The following CEACAM5 variants were observed in gnomAD, a reference collection of about 807,000 sequenced individuals.
The protein encoded by CEACAM5 is CEA cell adhesion molecule 5.
In CEACAM5, 52 loss-of-function variants were observed where a neutral mutation model predicts 63.0. That is an observed-to-expected ratio of 0.83 (90% CI 0.66 to 1.04). The LOEUF is 1.04. CEACAM5 is among the 50% of genes least tolerant of loss of function. CEACAM5 has a pLI of 0.00. For synonymous variants in CEACAM5, 357 were observed against 351.3 expected (o/e 1.02, Z -0.18); for missense variants, 790 against 864.8 (o/e 0.91, Z 1.08).
intron 9 of CEACAM5, among the ~76,000 whole-genome samples, 182 bp from the exon 10 acceptor site, chr19:41,729,002 T>C (rs1555817592): frequency 6.6e-6 from 1 of 152,140 alleles, no homozygotes; most frequent in East Asian, 1.9e-4. Flanking sequence ...AAGTTATATT[T>C]ATGAGTATGT....
At chr19:41,718,434 G>A in intron 6 of CEACAM5, 52 bp downstream of exon 6, 1 of 1,587,280 alleles carries the variant, frequency 6.3e-7, no homozygotes, top group Admixed American at 1.7e-5. Context: ...GAATCTGTCT[G>A]GTTTTCAGAA....
intron 1 of CEACAM5, 112 bp from the exon 2 acceptor site, chr19:41,709,564 ACACT>A (rs1306527527): frequency 7.8e-4 from 1,055 of 1,347,864 alleles, no homozygotes; most frequent in Non-Finnish European, 1.0e-3. Context: ...ACACACACAC[ACACT>A]CACTCACTCC....
At chr19:41,717,415 G>A in intron 4 of CEACAM5, 40 bp from the exon 5 acceptor site, 1 of 1,584,270 alleles carries the variant, frequency 6.3e-7, no homozygotes. Flanking sequence ...AGGAATCACA[G>A]GTGCCACACA....
At chr19:41,710,114 G>A (rs934983505) in intron 2 of CEACAM5, 75 bp downstream of exon 2, 12 of 1,557,240 alleles carry the variant, frequency 7.7e-6, no homozygotes, top group Non-Finnish European at 4.3e-6. Context: ...TCAGGCCTGG[G>A]CTGTGCCTGT....
intron 6 of CEACAM5, among the ~76,000 whole-genome samples, chr19:41,719,278 T>G (rs2072579022): frequency 6.6e-6 from 1 of 152,246 alleles, no homozygotes; most frequent in African/African-American, 2.4e-5. Context: ...AACCTTTCTA[T>G]GTATGCAGTT....
chr19:41,718,482 C>T, intron 6 of CEACAM5, 100 bp downstream of exon 6: 1 of 1,254,118 alleles, frequency 8.0e-7, no homozygotes. Context: ...AGTATGCATC[C>T]AATGGGCACA....
chr19:41,709,741 G>T lies in CEACAM5; in HGVS notation c.126G>T (p.Pro42=). The change falls in exon 2 of 10, where the codon CCG becomes CCT. Residue 42 remains proline (P), a synonymous_variant. Coordinates refer to ENST00000221992, the MANE Select transcript of CEACAM5 (RefSeq NM_004363.6). ...CCAAGCTCACTATTGAATCCACGCC[G>T]TTCAATGTCGCAGAGGGGAAGGAGG... ...TTAKLTIEST[P]FNVAEGKEVL... 6.2e-7 allele frequency: 1 copy of T among 1,614,124 alleles called. No homozygotes were observed. Among genetic ancestry groups the T allele is most frequent in the Non-Finnish European group, 8.5e-7 (1 of 1,180,022 alleles).
chr19:41,726,668 A>G (rs1555817142), intron 8 of CEACAM5, among the ~76,000 whole-genome samples: 1 of 152,156 alleles, frequency 6.6e-6, no homozygotes, highest in Admixed American at 6.5e-5. Context: ...AAGAGGAGAG[A>G]GTTTTAGATA....
rs782301321 is a variant in CEACAM5, at chr19:41,714,987, C to T, written c.441C>T (p.Pro147=). ...TCTGCACAGCGGAGCTGCCCAAGCC[C>T]TCCATCTCCAGCAACAACTCCAAAC... ...QFRVYPELPK[P]SISSNNSKPV... is the part of the protein sequence containing the mutation. The change falls in exon 3 of 10, where the codon CCC becomes CCT. Residue 147 remains proline, a synonymous_variant. Coordinates refer to ENST00000221992, the MANE Select transcript of CEACAM5 (RefSeq NM_004363.6). 2.5e-5 allele frequency: 40 copies of T among 1,614,098 alleles called. No individual in the cohort carries two copies. Among genetic ancestry groups the T allele is most frequent in the East Asian group, 1.8e-4 (8 of 44,888 alleles).
chr19:41,718,069 C>G (rs782786932), intron 5 of CEACAM5, 59 bp from the exon 6 acceptor site: 7 of 1,592,526 alleles, frequency 4.4e-6, no homozygotes, highest in African/African-American at 1.3e-5. Flanking sequence ...TTTCACAGAC[C>G]AGGAGCTTCC....
chr19:41,730,419 C>CAA lies in CEACAM5; in HGVS notation c.*1285_*1286dup, dbSNP rs34510228. Among the ~76,000 whole-genome samples the CAA allele has an allele frequency of 1.5e-3, 195 of 131,226 alleles. 13 individuals carry two copies. The highest frequency in any genetic ancestry group is 1.5e-3 in the Admixed American group (20 of 13,060). 86.1% of individuals were successfully genotyped at this position (131,226 alleles called of 152,430 possible). ...CCTGGGAGACAAAGTGAGACTCCGT[C>CAA]AAAAAAAAAAAAAAGTCTATGTGGT... On this transcript the variant is annotated 3_prime_UTR_variant, in exon 10 of 10. Coordinates refer to ENST00000221992, the MANE Select transcript of CEACAM5 (RefSeq NM_004363.6).
Position 41,708,770 on chromosome 19 carries a change from C to T in CEACAM5, c.39C>T (p.Ile13=), listed in dbSNP as rs200391100. Residue 13 remains isoleucine (I), a synonymous_variant, in exon 1 of 10, where the codon ATC becomes ATT. Coordinates refer to ENST00000221992, the MANE Select transcript of CEACAM5 (RefSeq NM_004363.6). ...CGGCCCCTCCCCACAGATGGTGCATCCCCTGGCAGAGGCTCCTGCTCACAG... is the reference window on the plus strand; with the variant it reads ...CGGCCCCTCCCCACAGATGGTGCATTCCCTGGCAGAGGCTCCTGCTCACAG... ...SPSAPPHRWC[I]PWQRLLLTAS... The T allele has an allele frequency of 1.9e-6, 3 of 1,611,928 alleles. No homozygotes were observed. Among genetic ancestry groups the T allele is most frequent in the African/African-American group, 2.7e-5 (2 of 74,846 alleles).
At chr19:41,726,257 GTTT>G (rs1303683647) in intron 8 of CEACAM5, among the ~76,000 whole-genome samples, 18 of 152,168 alleles carry the variant, frequency 1.2e-4, no homozygotes, top group Admixed American at 2.0e-4. Context: ...CTTTGGATAA[GTTT>G]TTTCACCACT....
In CEACAM5 at chr19:41,715,189, T is replaced by A; in HGVS notation, c.643T>A (p.Cys215Ser). 1 of 1,614,180 alleles carries A rather than the reference T, an allele frequency of 6.2e-7. No homozygotes were observed. The change falls in exon 3 of 10, where the codon TGT (cysteine) becomes AGT (serine). Residue 215 changes from cysteine (C) to serine (S), a missense_variant. Physicochemically the swap from Cys to Ser is moderately radical, Grantham distance 112. Coordinates refer to ENST00000221992, the MANE Select transcript of CEACAM5 (RefSeq NM_004363.6). ...VTRNDTASYKCETQNPVSARR... is the reference protein window; with the variant it reads ...VTRNDTASYKSETQNPVSARR... ...AAGAAATGACACAGCAAGCTACAAATGTGAAACCCAGAACCCAGTGAGTGC... is the reference window on the plus strand; with the variant it reads ...AAGAAATGACACAGCAAGCTACAAAAGTGAAACCCAGAACCCAGTGAGTGC...
At chr19:41,708,839 G>GCTGT (rs1555813376) in intron 1 of CEACAM5, 44 bp downstream of exon 1, 1 of 564,978 alleles carries the variant, frequency 1.8e-6, no homozygotes, top group Non-Finnish European at 2.6e-6. Context: ...GAGGGAGCTG[G>GCTGT]GGTCTCCTGG....
At chr19:41,718,862 G>T (rs1259140613) in intron 6 of CEACAM5, among the ~76,000 whole-genome samples, 1 of 152,220 alleles carries the variant, frequency 6.6e-6, no homozygotes, top group Non-Finnish European at 1.5e-5. Context: ...TCCCGGCTCC[G>T]CTCCGGGCTC....
intron 2 of CEACAM5, among the ~76,000 whole-genome samples, chr19:41,713,035 G>A (rs1160377004): frequency 2.0e-5 from 3 of 152,298 alleles, no homozygotes; most frequent in Non-Finnish European, 4.4e-5. Context: ...GGCCGGGCAC[G>A]GTGGCTCATG....
chr19:41,712,502 G>C (rs1156308903), intron 2 of CEACAM5, among the ~76,000 whole-genome samples: 4 of 152,206 alleles, frequency 2.6e-5, no homozygotes, highest in African/African-American at 9.7e-5. Context: ...GGAACTAGGG[G>C]CAGGGAGCGC....
chr19:41,720,329 C>T (rs1600470949), intron 7 of CEACAM5, 121 bp downstream of exon 7: 10 of 1,248,610 alleles, frequency 8.0e-6, no homozygotes. Flanking sequence ...GACACCCAGG[C>T]TGGCCATAAC....
Sources: allele counts gnomAD v4.1 joint callset (sites outside exome capture counted in the v4.1 genomes callset), GRCh38; gene constraint gnomAD v4.1.1; transcripts MANE v1.5; gene names NCBI Gene and HGNC (gene_info 2026-07-23, HGNC 2026-07-21).